The following SUMF1 variants were observed in gnomAD, a reference collection of about 807,000 sequenced individuals.
The protein encoded by SUMF1 is formylglycine-generating enzyme.
A neutral mutation model predicts 47.6 loss-of-function variants in SUMF1; 48 were observed. The observed-to-expected ratio is 1.01, with a 90% CI of 0.80 to 1.28. SUMF1 has a LOEUF of 1.28. SUMF1 is among the 50% of genes most tolerant of loss of function. The pLI is 0.00. For synonymous variants in SUMF1, 230 were observed against 192.1 expected (o/e 1.20, Z -1.63); for missense variants, 571 against 485.4 (o/e 1.18, Z -1.66).
At chr3:4,320,967 G>A (rs572694875) in intron 8 of SUMF1, among the ~76,000 whole-genome samples, 3 of 152,228 alleles carry the variant, frequency 2.0e-5, no homozygotes, top group South Asian at 2.1e-4. Flanking sequence ...AGGACCATAC[G>A]TTGGGGTATC....
At chr3:4,170,498 TAAGGAAGGGCAGTTAATTTTA>T (rs1311449382) in intron 8 of SUMF1, among the ~76,000 whole-genome samples, 5 of 152,266 alleles carry the variant, frequency 3.3e-5, no homozygotes, top group Admixed American at 2.6e-4. Context: ...GAGTGGGGAA[TAAGGAAGGGCAGTTAATTTTA>T]AAATTGCATT....
At chr3:4,419,689 T>G (rs1438727999) in intron 4 of SUMF1, among the ~76,000 whole-genome samples, 3 of 152,176 alleles carry the variant, frequency 2.0e-5, no homozygotes, top group Admixed American at 2.0e-4. Context: ...AGGACACAAT[T>G]ACTTATCCAT....
intron 8 of SUMF1, among the ~76,000 whole-genome samples, chr3:4,366,872 T>C (rs901368587): frequency 9.9e-5 from 15 of 152,178 alleles, no homozygotes; most frequent in Non-Finnish European, 1.8e-4. Context: ...TGTTTGATGA[T>C]GGTGATGTAC....
Position 4,065,786 on chromosome 3 carries a change from A to G in SUMF1, c.1191+2783T>C, listed in dbSNP as rs1428031470. 1.3e-5 allele frequency among the ~76,000 whole-genome samples: 2 copies of G among 152,142 alleles called. 1 individual carries two copies. Among genetic ancestry groups the G allele is most frequent in the African/African-American group, 4.8e-5 (2 of 41,422 alleles). On this transcript the variant is annotated intron_variant and NMD_transcript_variant, in intron 9 of 12. Transcript: ENST00000448413. Reference sequence around the variant, plus strand: ...TCAGCCCTGGTCCCAGCAGAGTTTAAAGTCATCCAACAAGGATTGCTATAG... The same window carrying G: ...TCAGCCCTGGTCCCAGCAGAGTTTAGAGTCATCCAACAAGGATTGCTATAG...
chr3:4,101,353 G>A (rs970945754), intron 8 of SUMF1, among the ~76,000 whole-genome samples: 1 of 152,062 alleles, frequency 6.6e-6, no homozygotes, highest in Non-Finnish European at 1.5e-5. Flanking sequence ...CAATATAGAT[G>A]AACCTAGAGG....
rs1695228756 is a variant in SUMF1, at chr3:4,187,611, A to G, written c.1015-118866T>C. Among the ~76,000 whole-genome samples the G allele has an allele frequency of 3.3e-5, 5 of 152,318 alleles. No individual in the cohort carries two copies. In the South Asian group the frequency reaches 1.0e-3, roughly 32 times the overall value. ...AGACGAATTTTATTGAGGGTTTCCC[A>G]ATAAGTGAAAAATCAAAGTTGTTCC... On this transcript the variant is annotated intron_variant and NMD_transcript_variant, in intron 8 of 12. Transcript: ENST00000448413.
intron 8 of SUMF1, among the ~76,000 whole-genome samples, chr3:4,258,970 G>C (rs1358763739): frequency 6.7e-6 from 1 of 148,794 alleles, no homozygotes; most frequent in Non-Finnish European, 1.5e-5. Context: ...GTAGGGACAT[G>C]GATGAAATTG....
chr3:4,403,221 G>T (rs1268045091), intron 7 of SUMF1, among the ~76,000 whole-genome samples: 1 of 152,156 alleles, frequency 6.6e-6, no homozygotes, highest in African/African-American at 2.4e-5. Flanking sequence ...CTTGCACAGG[G>T]TCACACATCT....
At chr3:4,042,650 T>A (rs9311243) in intron 9 of SUMF1, among the ~76,000 whole-genome samples, 267 of 152,306 alleles carry the variant, frequency 1.8e-3, no homozygotes, top group African/African-American at 6.3e-3. Context: ...TTTACCTCCC[T>A]GAGTACTCAT....
At chr3:4,170,655 T>C (rs556399590) in intron 8 of SUMF1, among the ~76,000 whole-genome samples, 18 of 152,080 alleles carry the variant, frequency 1.2e-4, no homozygotes, top group African/African-American at 3.9e-4. Context: ...TGAAACAGAG[T>C]AGAGAGTCTG....
intron 8 of SUMF1, among the ~76,000 whole-genome samples, chr3:4,255,595 G>A (rs1227782654): frequency 9.8e-6 from 1 of 102,030 alleles, no homozygotes; most frequent in Non-Finnish European, 2.1e-5. Flanking sequence ...CCCAACACAG[G>A]AGCACCCAGA....
chr3:4,302,535 G>A (rs1006998860), intron 8 of SUMF1, among the ~76,000 whole-genome samples: 1 of 152,106 alleles, frequency 6.6e-6, no homozygotes, highest in African/African-American at 2.4e-5. Context: ...TGATGTTGAT[G>A]CTGGCTGGCT....
intron 9 of SUMF1, among the ~76,000 whole-genome samples, chr3:4,064,317 T>C (rs1019143169): frequency 1.7e-5 from 2 of 115,434 alleles, no homozygotes; most frequent in African/African-American, 2.6e-5. Flanking sequence ...TGCGTTAGCA[T>C]GCTAAAAAAC....
intron 7 of SUMF1, among the ~76,000 whole-genome samples, chr3:4,402,170 A>C (rs752118309): frequency 5.3e-4 from 80 of 152,200 alleles, no homozygotes; most frequent in Non-Finnish European, 9.7e-4. Flanking sequence ...TTTACTTAAG[A>C]AACTAAAAGA....
At chr3:4,153,647 A>T (rs1233693897) in intron 8 of SUMF1, among the ~76,000 whole-genome samples, 1 of 150,492 alleles carries the variant, frequency 6.6e-6, no homozygotes, top group East Asian at 1.9e-4. Context: ...TTTCATTTTC[A>T]CTTTTTGCCT....
chr3:4,317,813 G>A (rs1270713774), intron 8 of SUMF1, among the ~76,000 whole-genome samples: 3 of 152,174 alleles, frequency 2.0e-5, no homozygotes, highest in East Asian at 1.9e-4. Context: ...CACATGCAAA[G>A]GGGTTAGAGC....
intron 3 of SUMF1, among the ~76,000 whole-genome samples, chr3:4,434,146 G>C (rs537488949): frequency 3.2e-4 from 49 of 152,302 alleles, no homozygotes; most frequent in African/African-American, 1.2e-3. Context: ...TGTTTAATGA[G>C]CATACAGCTT....
At chr3:4,130,113 C>T (rs905828410) in intron 8 of SUMF1, among the ~76,000 whole-genome samples, 1 of 152,114 alleles carries the variant, frequency 6.6e-6, no homozygotes, top group Non-Finnish European at 1.5e-5. Context: ...GTGAATGATT[C>T]CCACCACAAC....
intron 8 of SUMF1, among the ~76,000 whole-genome samples, chr3:4,251,715 T>C (rs1158251992): frequency 1.3e-5 from 2 of 152,230 alleles, no homozygotes; most frequent in Non-Finnish European, 2.9e-5. Flanking sequence ...TAGCATCTTC[T>C]TCTATTATAA....
Sources: gnomAD v4.1 joint callset for allele counts (sites outside exome capture counted in the v4.1 genomes callset) on GRCh38, gnomAD v4.1.1 for gene constraint, MANE v1.5 for transcripts, NCBI Gene and HGNC (gene_info 2026-07-23, HGNC 2026-07-21) for gene names.